Variants in PTPN5 observed in about 807,000 individuals in gnomAD.
PTPN5 encodes the protein tyrosine-protein phosphatase non-receptor type 5.
A neutral mutation model predicts 73.9 loss-of-function variants in PTPN5; 29 were observed. That is an observed-to-expected ratio of 0.39 (90% confidence interval 0.29 to 0.54). The LOEUF (loss-of-function observed/expected upper bound fraction) is 0.54, where lower values mean the gene tolerates loss of function less well. Ranked by LOEUF, PTPN5 falls within the 20% of genes least tolerant of loss-of-function variation. The pLI is 0.65. For missense variants in PTPN5, 652 were observed against 751.4 expected, an observed-to-expected ratio of 0.87 and a Z score of 1.55; for synonymous variants, 267 against 304.7, an observed-to-expected ratio of 0.88 and a Z score of 1.29.
In PTPN5 at chr11:18,740,612, C is replaced by T. The variant is rs781071029; in HGVS notation, c.906G>A (p.Ala302=). ...GCTCAAGGGAACTCACAAAGAATTC[C>T]GCCTGCAGCAGGAAAGGGTCCAGGG... ...EKALDPFLLQ[A]EFFEIPMNFV... Residue 302 remains alanine, a synonymous_variant, in exon 8 of 15, where the codon GCG becomes GCA. Transcript: ENST00000358540. 2.7e-5 allele frequency: 42 copies of T among 1,566,358 alleles called. No individual in the cohort carries two copies. The highest frequency in any genetic ancestry group is 1.9e-4 in the Admixed American group (10 of 52,878).
At chr11:18,784,813 T>C (rs1386830204) in intron 1 of PTPN5, among the ~76,000 whole-genome samples, 1 of 151,866 alleles carries the variant, frequency 6.6e-6, no homozygotes, top group Non-Finnish European at 1.5e-5. Context: ...TATCTTCCTC[T>C]CCATCCTCTC....
At chr11:18,767,832 T>C (rs1475112065) in intron 2 of PTPN5, among the ~76,000 whole-genome samples, 1 of 152,256 alleles carries the variant, frequency 6.6e-6, no homozygotes, top group Non-Finnish European at 1.5e-5. Context: ...GTCTGGTCCC[T>C]GTGGATCCCT....
At position 18,732,709 on chromosome 11, in the gene PTPN5, G is replaced by A; in HGVS notation, c.1219-7C>T. On this transcript the variant is annotated splice_polypyrimidine_tract_variant and splice_region_variant and intron_variant, in intron 11 of 14. Coordinates refer to ENST00000358540, the MANE Select transcript of PTPN5 (RefSeq NM_006906.2). ...GCCAATACTCGGTGCATTTCTGCAG[G>A]GGCCCAGATCAGGCTGCCATACAAT... 2 of 1,611,434 alleles carry A rather than the reference G, an allele frequency of 1.2e-6. No homozygotes were observed. Among genetic ancestry groups the A allele is most frequent in the Non-Finnish European group, 1.7e-6 (2 of 1,178,178 alleles).
Position 18,773,376 on chromosome 11 carries a change from C to T in PTPN5, c.-113-1305G>A, listed in dbSNP as rs75936453. Among the ~76,000 whole-genome samples, 789 of 152,148 alleles carry T rather than the reference C, an allele frequency of 5.2e-3. 13 individuals are homozygous for T. Among genetic ancestry groups the T allele is most frequent in the African/African-American group, 0.018 (761 of 41,502 alleles). ...GGCCTGGGAAGGTGACAGAGCCCAT[C>T]AGTTTCATGACTGGTGCCTGGTGTG... On this transcript the variant is annotated intron_variant, in intron 1 of 14. Coordinates refer to ENST00000358540, the MANE Select transcript of PTPN5 (RefSeq NM_006906.2).
chr11:18,730,165 C>T (rs1848812169), intron 12 of PTPN5: 1 of 471,498 alleles, frequency 2.1e-6, no homozygotes, highest in South Asian at 4.5e-5. Flanking sequence ...CCCTTTGTCA[C>T]ATAACCCAGC....
At chr11:18,758,685 T>A (rs1390549484) in intron 3 of PTPN5, among the ~76,000 whole-genome samples, 1 of 152,144 alleles carries the variant, frequency 6.6e-6, no homozygotes, top group Non-Finnish European at 1.5e-5. Context: ...GTTTTTTTTT[T>A]TTTTCTTCAG....
intron 1 of PTPN5, among the ~76,000 whole-genome samples, chr11:18,775,496 T>C (rs1851104584): frequency 6.6e-6 from 1 of 152,198 alleles, no homozygotes; most frequent in South Asian, 2.1e-4. Flanking sequence ...CTGGAAGTCC[T>C]GCGCGGGACC....
At chr11:18,785,017 C>A (rs1341390849) in intron 1 of PTPN5, among the ~76,000 whole-genome samples, 1 of 151,964 alleles carries the variant, frequency 6.6e-6, no homozygotes, top group Non-Finnish European at 1.5e-5. Context: ...CCATGCCTGG[C>A]TAATTTTTAT....
chr11:18,736,749 G>A (rs185757375), intron 9 of PTPN5, among the ~76,000 whole-genome samples: 30 of 152,248 alleles, frequency 2.0e-4, no homozygotes, highest in Admixed American at 5.9e-4. Flanking sequence ...GGAATGCAGC[G>A]GGGACTGCAT....
chr11:18,732,162 T>C (rs1452821098), intron 12 of PTPN5, among the ~76,000 whole-genome samples: 1 of 152,170 alleles, frequency 6.6e-6, no homozygotes, highest in Non-Finnish European at 1.5e-5. Context: ...TGTGGACAGA[T>C]TGGGCACTAC....
rs946925421 is a variant in PTPN5 at position 18,729,496 on chromosome 11, C to T, written c.1561G>A (p.Val521Met). Residue 521 changes from valine (V) to methionine (M), a missense_variant, in exon 14 of 15, where the codon GTG (valine) becomes ATG (methionine). Physicochemically the swap from Val to Met is conservative, Grantham distance 21. Transcript: ENST00000358540. The surrounding 1 kb of genome is among the most constrained non-coding windows in gnomAD (Gnocchi z 5.2). Reference protein sequence around the residue: ...ICCQQLRQEGVVDILKTTCQL... With the variant: ...ICCQQLRQEGMVDILKTTCQL... ...CACGTGGTCTTCAGGATGTCCACCACACCCTCCTGCCGCAGCTGCTGGCAG... is the reference window on the plus strand; with the variant it reads ...CACGTGGTCTTCAGGATGTCCACCATACCCTCCTGCCGCAGCTGCTGGCAG... 1.9e-6 allele frequency: 3 copies of T among 1,599,400 alleles called. No homozygotes were observed. The highest frequency in any genetic ancestry group is 2.6e-6 in the Non-Finnish European group (3 of 1,172,602).
Position 18,729,748 on chromosome 11 carries a change from C to T in PTPN5, c.1400G>A (p.Arg467Gln), listed in dbSNP as rs752928381. ...CACCAGGTGCAGGAGTGGGGGGGCC[C>T]GGTCTGGGGTCTTCTGGTCGGGCCA... ...TSWPDQKTPD[R>Q]APPLLHLVRE... The change falls in exon 13 of 15, where the codon CGG becomes CAG. Residue 467 changes from arginine to glutamine, a missense_variant. Arg to Gln is a conservative substitution (Grantham distance 43). Transcript: ENST00000358540. This position sits in a 1 kb window ranked among gnomAD's most constrained non-coding sequence, Gnocchi z 5.2. 34 of 1,606,982 alleles carry T rather than the reference C, an allele frequency of 2.1e-5. No homozygotes were observed. Among genetic ancestry groups the T allele is most frequent in the South Asian group, 5.5e-5 (5 of 90,658 alleles).
chr11:18,733,456 C>T lies in PTPN5; in HGVS notation c.1081-84G>A. 6.2e-7 allele frequency: 1 copy of T among 1,609,920 alleles called. No individual in the cohort carries two copies. Among genetic ancestry groups the T allele is most frequent in the Non-Finnish European group, 8.5e-7 (1 of 1,177,248 alleles). Reference sequence around the variant, plus strand: ...CCCACACTCAGGCTCTTCACAGGAGCTGGCAGGAGCCAGACTGGTGTAGGG... The same window carrying T: ...CCCACACTCAGGCTCTTCACAGGAGTTGGCAGGAGCCAGACTGGTGTAGGG... On this transcript the variant is annotated intron_variant, in intron 10 of 14. Coordinates refer to ENST00000358540, the MANE Select transcript of PTPN5 (RefSeq NM_006906.2). This position sits in a 1 kb window ranked among gnomAD's most constrained non-coding sequence, Gnocchi z 4.3.
At chr11:18,778,273 C>T (rs1851263806) in intron 1 of PTPN5, among the ~76,000 whole-genome samples, 1 of 152,168 alleles carries the variant, frequency 6.6e-6, no homozygotes, top group Non-Finnish European at 1.5e-5. Flanking sequence ...TCTGTGTTAG[C>T]CAATATTACT....
At chr11:18,762,354 A>G (rs1850436454) in intron 3 of PTPN5, among the ~76,000 whole-genome samples, 2 of 152,142 alleles carry the variant, frequency 1.3e-5, no homozygotes, top group African/African-American at 2.4e-5. Context: ...AATTGCCTGC[A>G]GTGCTCATGG....
At position 18,729,091 on chromosome 11, in the gene PTPN5, A is replaced by C; in HGVS notation, c.1605-64T>G. On this transcript the variant is annotated intron_variant, in intron 14 of 14. Transcript: ENST00000358540. This position sits in a 1 kb window ranked among gnomAD's most constrained non-coding sequence, Gnocchi z 5.2. ...AGGGATGGGCTGTGGGAGGTGCCCC[A>C]AAAGCCATGGAGTAGCAATCACTTG... 6.5e-7 allele frequency: 1 copy of C among 1,545,626 alleles called. No homozygotes were observed. Among genetic ancestry groups the C allele is most frequent in the Non-Finnish European group, 8.8e-7 (1 of 1,131,794 alleles).
chr11:18,768,436 C>T (rs1850732251), intron 2 of PTPN5, among the ~76,000 whole-genome samples: 1 of 152,200 alleles, frequency 6.6e-6, no homozygotes, highest in Non-Finnish European at 1.5e-5. Flanking sequence ...TTTCCTTACC[C>T]TAACGAGCAC....
At chr11:18,745,595 C>T (rs912861442) in intron 3 of PTPN5, among the ~76,000 whole-genome samples, 1 of 152,164 alleles carries the variant, frequency 6.6e-6, no homozygotes, top group African/African-American at 2.4e-5. Context: ...TTGTAGACCT[C>T]AATCAGATGT....
chr11:18,781,084 A>G (rs147179877), intron 1 of PTPN5, among the ~76,000 whole-genome samples: 77 of 151,678 alleles, frequency 5.1e-4, no homozygotes, highest in African/African-American at 1.8e-3. Context: ...CTCTTTGAAA[A>G]CCTTTGGAAC....
Sources: allele counts gnomAD v4.1 joint callset (sites outside exome capture counted in the v4.1 genomes callset), GRCh38; gene constraint gnomAD v4.1.1; non-coding constraint Gnocchi (gnomAD v3.1); transcripts MANE v1.5; gene names NCBI Gene and HGNC (gene_info 2026-07-23, HGNC 2026-07-21).